Variants in OSBPL6 observed in about 807,000 individuals in gnomAD.
OSBPL6 encodes the protein oxysterol-binding protein-related protein 6.
In OSBPL6, 49 loss-of-function variants were observed where a neutral mutation model predicts 125.8. The ratio of observed to expected loss-of-function variants is 0.39; its 90% CI spans 0.31 to 0.49. OSBPL6 has a LOEUF of 0.49. Among genes scored for constraint, OSBPL6 ranks in the 20% least tolerant of loss-of-function variants. The pLI, the probability that OSBPL6 is intolerant of heterozygous loss-of-function variation, is 0.88. For synonymous variants in OSBPL6, 394 were observed against 391.8 expected (o/e 1.01, Z -0.07); for missense variants, 986 against 1,135.4 (o/e 0.87, Z 1.89).
At chr2:178,370,552 A>G (rs1314190058) in intron 13 of OSBPL6, among the ~76,000 whole-genome samples, 1 of 152,220 alleles carries the variant, frequency 6.6e-6, no homozygotes, top group Non-Finnish European at 1.5e-5. Context: ...TTTTGCTCCA[A>G]GAAAAATGAT....
chr2:178,279,318 G>T (rs1362735612), intron 1 of OSBPL6, among the ~76,000 whole-genome samples: 3 of 152,144 alleles, frequency 2.0e-5, no homozygotes, highest in Non-Finnish European at 4.4e-5. Flanking sequence ...CCAGGCTGTT[G>T]GGAGGATTAG....
intron 1 of OSBPL6, among the ~76,000 whole-genome samples, chr2:178,235,398 C>CTTTTTTTT (rs540269327): frequency 1.4e-4 from 11 of 78,026 alleles, no homozygotes; most frequent in Non-Finnish European, 2.2e-4. Context: ...CTTTTCTTTT[C>CTTTTTTTT]TTTTTTTTTT....
chr2:178,343,665 G>A lies in OSBPL6; in HGVS notation c.987+3901G>A, dbSNP rs541052564. Among the ~76,000 whole-genome samples, 4 of 152,086 alleles carry A rather than the reference G, an allele frequency of 2.6e-5. No homozygotes were observed. The East Asian group carries it at 7.7e-4, about 29-fold the overall frequency. On this transcript the variant is annotated intron_variant, in intron 11 of 24. Coordinates refer to ENST00000190611, the MANE Select transcript of OSBPL6 (RefSeq NM_032523.4). ...TAAGTTTTCTTTTCTGATCTTATGGGGTCTGGCATCTTCCTTGGAAAATTC... is the reference window on the plus strand; with the variant it reads ...TAAGTTTTCTTTTCTGATCTTATGGAGTCTGGCATCTTCCTTGGAAAATTC...
chr2:178,207,260 A>G (rs1215721487), intron 1 of OSBPL6, among the ~76,000 whole-genome samples: 3 of 152,128 alleles, frequency 2.0e-5, no homozygotes, highest in Non-Finnish European at 4.4e-5. Context: ...TCCTTAGCTC[A>G]TGGCCACATA....
At chr2:178,233,949 T>C (rs924690502) in intron 1 of OSBPL6, among the ~76,000 whole-genome samples, 1 of 152,184 alleles carries the variant, frequency 6.6e-6, no homozygotes, top group African/African-American at 2.4e-5. Flanking sequence ...ATGCTTTACA[T>C]ATTGAGACAG....
Position 178,401,274 on chromosome 2 carries a change from C to T in OSBPL6, c.*5715C>T, listed in dbSNP as rs1225611122. On this transcript the variant is annotated 3_prime_UTR_variant, in exon 25 of 25. Coordinates refer to ENST00000190611, the MANE Select transcript of OSBPL6 (RefSeq NM_032523.4). ...TGCTGATTTATTTATCATCCCCCCA[C>T]CCCAACCCCACTTTTGTGTCACAAA... 2 of 152,198 alleles carry T rather than the reference C, an allele frequency of 1.3e-5. No individual in the cohort carries two copies. Among genetic ancestry groups the T allele is most frequent in the African/African-American group, 4.8e-5 (2 of 41,430 alleles). The allele number at this position is 152,198 out of a possible 1,614,324, so 9.4% of individuals were successfully genotyped here. A position where few individuals can be genotyped will look rare whatever the true frequency, so the allele number is the denominator to read the frequency against.
At chr2:178,279,670 A>C (rs80269428) in intron 1 of OSBPL6, among the ~76,000 whole-genome samples, 3,197 of 152,312 alleles carry the variant, frequency 0.021, 101 homozygotes, top group African/African-American at 0.072. Context: ...GTGTGCATGC[A>C]CACACACGCA....
rs568986549 is a variant in OSBPL6, at chr2:178,269,274, C to T, written c.-350-15653C>T. On this transcript the variant is annotated intron_variant, in intron 1 of 24. Coordinates refer to ENST00000190611, the MANE Select transcript of OSBPL6 (RefSeq NM_032523.4). Reference sequence around the variant, plus strand: ...TCTTCCAGGACCTCATTGTGTTTGCCAACCTGGAAGGTCCCACAATATTAT... The same window carrying T: ...TCTTCCAGGACCTCATTGTGTTTGCTAACCTGGAAGGTCCCACAATATTAT... 2.2e-4 allele frequency among the ~76,000 whole-genome samples: 33 copies of T among 152,264 alleles called. No homozygotes were observed. The Middle Eastern group carries it at 0.01, about 47-fold the overall frequency.
intron 1 of OSBPL6, among the ~76,000 whole-genome samples, chr2:178,265,769 G>A (rs1304018015): frequency 6.6e-6 from 1 of 151,844 alleles, no homozygotes; most frequent in African/African-American, 2.4e-5. Flanking sequence ...TTTCTCTCTC[G>A]CTCCCCTTTC....
chr2:178,310,412 C>CTTTTTT (rs71023440), intron 3 of OSBPL6, among the ~76,000 whole-genome samples: 19 of 85,682 alleles, frequency 2.2e-4, no homozygotes, highest in East Asian at 7.0e-4. Flanking sequence ...AAACTGAACT[C>CTTTTTT]TTTTTTTTTT....
At position 178,365,330 on chromosome 2, in the gene OSBPL6, C is replaced by CT. The variant is rs11464625; in HGVS notation, c.1287+3519dup. Among the ~76,000 whole-genome samples the CT allele has an allele frequency of 7.6e-3, 1,154 of 152,330 alleles. 18 individuals are homozygous for CT. Among genetic ancestry groups the CT allele is most frequent in the African/African-American group, 0.027 (1,105 of 41,572 alleles). ...TATCAGACTCAGCAAATTTTATCGTCTTTTCGAAGGCACATAGCAGATAAA... is the reference window on the plus strand; with the variant it reads ...TATCAGACTCAGCAAATTTTATCGTCTTTTTCGAAGGCACATAGCAGATAAA... On this transcript the variant is annotated intron_variant, in intron 13 of 24. Coordinates refer to ENST00000190611, the MANE Select transcript of OSBPL6 (RefSeq NM_032523.4).
Position 178,383,425 on chromosome 2 carries a change from G to T in OSBPL6, c.1875+148G>T, listed in dbSNP as rs1047732945. The T allele has an allele frequency of 5.6e-6, 7 of 1,259,102 alleles. No homozygotes were observed. The African/African-American group carries it at 9.1e-5, about 16-fold the overall frequency. 78.0% of individuals were successfully genotyped at this position (1,259,102 alleles called of 1,614,324 possible). A position where few individuals can be genotyped will look rare whatever the true frequency, so the allele number is the denominator to read the frequency against. On this transcript the variant is annotated intron_variant, in intron 17 of 24. Transcript: ENST00000190611. ...GAATTGATCTGTTTGCATAAATCCG[G>T]CAAGGCCAAAACCTCCCAGATACCA...
At position 178,232,853 on chromosome 2, in the gene OSBPL6, G is replaced by T. The variant is rs1329183717; in HGVS notation, c.-351+38179G>T. On this transcript the variant is annotated intron_variant, in intron 1 of 24. Coordinates refer to ENST00000190611, the MANE Select transcript of OSBPL6 (RefSeq NM_032523.4). ...GTACCTTTCCATTCTGTGTAGTGGGGGTAGGACCTGTTACTGGGCCTCAGA... is the reference window on the plus strand; with the variant it reads ...GTACCTTTCCATTCTGTGTAGTGGGTGTAGGACCTGTTACTGGGCCTCAGA... 7.9e-5 allele frequency among the ~76,000 whole-genome samples: 12 copies of T among 152,154 alleles called. No homozygotes were observed. In the East Asian group the frequency reaches 1.7e-3, roughly 22 times the overall value.
intron 1 of OSBPL6, among the ~76,000 whole-genome samples, chr2:178,256,784 A>T (rs2091899982): frequency 6.6e-6 from 1 of 152,198 alleles, no homozygotes; most frequent in Non-Finnish European, 1.5e-5. Flanking sequence ...TGCTTATTTA[A>T]AACAGCATTC....
chr2:178,292,334 C>T (rs1348830825), intron 2 of OSBPL6, among the ~76,000 whole-genome samples: 1 of 152,116 alleles, frequency 6.6e-6, no homozygotes, highest in African/African-American at 2.4e-5. Flanking sequence ...ATTCACTTTG[C>T]ATATCAAATG....
At chr2:178,291,665 T>TCTTCCTCC (rs1685274308) in intron 2 of OSBPL6, among the ~76,000 whole-genome samples, 1 of 135,384 alleles carries the variant, frequency 7.4e-6, no homozygotes, top group Non-Finnish European at 1.6e-5. Context: ...ACAGGTAGTC[T>TCTTCCTCC]CTTCCTTCCT....
rs1696105337 is a variant in OSBPL6 at position 178,401,604 on chromosome 2, G to T, written c.*6045G>T. On this transcript the variant is annotated 3_prime_UTR_variant, in exon 25 of 25. Coordinates refer to ENST00000190611, the MANE Select transcript of OSBPL6 (RefSeq NM_032523.4). ...AGAAACAAGGCAAGAATGAATACAA[G>T]AGAAATGGAATCTGGGGAAAAAAGT... The T allele has an allele frequency of 2.0e-5, 3 of 152,318 alleles. No individual in the cohort carries two copies. The Middle Eastern group carries it at 0.01, about 518-fold the overall frequency. The allele number at this position is 152,318 out of a possible 1,614,324, so 9.4% of individuals were successfully genotyped here.
intron 11 of OSBPL6, among the ~76,000 whole-genome samples, chr2:178,347,652 A>C (rs1355703933): frequency 6.6e-6 from 1 of 152,258 alleles, no homozygotes; most frequent in African/African-American, 2.4e-5. Context: ...ACAGGATTCC[A>C]GCAGAGTATT....
rs1175447422 is a variant in OSBPL6, at chr2:178,349,281, T to G, written c.1045T>G (p.Cys349Gly). Reference sequence around the variant, plus strand: ...CTTGCATTCCTCCAACCCCAACCTTTGTGCAGATATTGAATTTCAGACTCC... The same window carrying G: ...CTTGCATTCCTCCAACCCCAACCTTGGTGCAGATATTGAATTTCAGACTCC... ...VRLHSSNPNL[C>G]ADIEFQTPPS... is the part of the protein sequence containing the mutation. Residue 349 changes from cysteine to glycine, a missense_variant, in exon 12 of 25, where the codon TGT becomes GGT. Physicochemically the swap from Cys to Gly is radical, Grantham distance 159. This residue lies in a region of OSBPL6 where 843 missense variants were observed against 997.3 expected (regional missense o/e 0.85). Transcript: ENST00000190611. 1.9e-6 allele frequency: 3 copies of G among 1,614,028 alleles called. No homozygotes were observed. Among genetic ancestry groups the G allele is most frequent in the Non-Finnish European group, 2.5e-6 (3 of 1,180,000 alleles).
Sources: gnomAD v4.1 joint callset for allele counts (sites outside exome capture counted in the v4.1 genomes callset) on GRCh38, gnomAD v4.1.1 for gene constraint, gnomAD v4.1.1 regional missense constraint, MANE v1.5 for transcripts, NCBI Gene and HGNC (gene_info 2026-07-23, HGNC 2026-07-21) for gene names.